The following ENTPD6 variants were observed in gnomAD, a reference collection of about 807,000 sequenced individuals.
The protein encoded by ENTPD6 is ectonucleoside triphosphate diphosphohydrolase 6.
Under a neutral mutation model 61.5 loss-of-function variants are expected in ENTPD6, and 46 were observed. The ratio of observed to expected loss-of-function variants is 0.75; its 90% CI spans 0.59 to 0.96. ENTPD6 has a LOEUF of 0.96. Among genes scored for constraint, ENTPD6 ranks in the 40% least tolerant of loss-of-function variants. The pLI, the probability that ENTPD6 is intolerant of heterozygous loss-of-function variation, is 0.00. For synonymous variants in ENTPD6, 252 were observed against 255.5 expected (o/e 0.99, Z 0.13); for missense variants, 612 against 629.0 (o/e 0.97, Z 0.29).
chr20:25,217,740 C>T (rs1284800626), intron 9 of ENTPD6, among the ~76,000 whole-genome samples, 159 bp downstream of exon 9: 5 of 152,088 alleles, frequency 3.3e-5, no homozygotes, highest in Non-Finnish European at 7.4e-5. Context: ...TCTCCCGCCT[C>T]CTCTGCCCTC....
chr20:25,215,759 G>A (rs376346393), intron 7 of ENTPD6, 48 bp downstream of exon 7: 10 of 1,595,724 alleles, frequency 6.3e-6, no homozygotes, highest in East Asian at 2.2e-5. Context: ...AGACACCTGC[G>A]GAGGGCTCGA....
chr20:25,199,980 C>T (rs968486169), intron 1 of ENTPD6, among the ~76,000 whole-genome samples: 7 of 150,724 alleles, frequency 4.6e-5, no homozygotes, highest in African/African-American at 7.3e-5. Context: ...ATCCTGATTT[C>T]AACTCTTTTA....
In ENTPD6 at chr20:25,227,140, A is replaced by G. The variant is rs2092810437; in HGVS notation, c.*1543A>G. Reference sequence around the variant, plus strand: ...GTGCTTGTGCCTGAAGCCCCCCCCAACCAACTGTCACAGGAGGACAGGATC... The same window carrying G: ...GTGCTTGTGCCTGAAGCCCCCCCCAGCCAACTGTCACAGGAGGACAGGATC... On this transcript the variant is annotated 3_prime_UTR_variant, in exon 15 of 15. Transcript: ENST00000376652. Among the ~76,000 whole-genome samples, 1 of 152,212 alleles carries G rather than the reference A, an allele frequency of 6.6e-6. No homozygotes were observed. The highest frequency in any genetic ancestry group is 2.4e-5 in the African/African-American group (1 of 41,460).
In ENTPD6 at chr20:25,226,982, G is replaced by A. The variant is rs1257391609; in HGVS notation, c.*1385G>A. On this transcript the variant is annotated 3_prime_UTR_variant, in exon 15 of 15. Coordinates refer to ENST00000376652, the MANE Select transcript of ENTPD6 (RefSeq NM_001247.5). ...CCAGCAGCCCACAGCACGGCCAGGT[G>A]AGGCCTGGGCACATAACCTCGAGTG... 6.6e-6 allele frequency among the ~76,000 whole-genome samples: 1 copy of A among 152,258 alleles called. No individual in the cohort carries two copies. Among genetic ancestry groups the A allele is most frequent in the African/African-American group, 2.4e-5 (1 of 41,466 alleles).
intron 1 of ENTPD6, among the ~76,000 whole-genome samples, chr20:25,200,578 A>T (rs1409728485): frequency 3.3e-5 from 5 of 152,122 alleles, no homozygotes; most frequent in Non-Finnish European, 5.9e-5. Flanking sequence ...TTGTAGGCAT[A>T]CAGTTGTTCG....
At chr20:25,208,139 G>C (rs1257369936) in intron 3 of ENTPD6, among the ~76,000 whole-genome samples, 2 of 152,214 alleles carry the variant, frequency 1.3e-5, no homozygotes, top group Admixed American at 1.3e-4. Flanking sequence ...TGGAACCTGT[G>C]GGGTAGACAC....
In ENTPD6 at chr20:25,215,709, C is replaced by T. The variant is rs148782311; in HGVS notation, c.707C>T (p.Thr236Ile). The T allele has an allele frequency of 6.2e-6, 10 of 1,614,206 alleles. No homozygotes were observed. In the African/African-American group the frequency reaches 8.0e-5, roughly 13 times the overall value. ...GCGTGGATCACCATCAACTTCCTGA[C>T]AGGTGTGTGCACACTGCATCACAGA... ...VSAWITINFL[T>I]GSLKTPGGSS... The change falls in exon 7 of 15, where the codon ACA becomes ATA. Residue 236 changes from threonine to isoleucine, a missense_variant and splice_region_variant. Physicochemically the swap from Thr to Ile is moderately conservative, Grantham distance 89. Transcript: ENST00000376652.
At chr20:25,218,845 C>A (rs1425582184) in intron 10 of ENTPD6, among the ~76,000 whole-genome samples, 1 of 152,204 alleles carries the variant, frequency 6.6e-6, no homozygotes, top group Non-Finnish European at 1.5e-5. Flanking sequence ...GGCAGGAACC[C>A]AGGGTGGTGT....
intron 10 of ENTPD6, among the ~76,000 whole-genome samples, chr20:25,220,990 A>G (rs928774787): frequency 2.0e-5 from 3 of 152,188 alleles, no homozygotes; most frequent in African/African-American, 7.2e-5. Context: ...CCCTTGGCCC[A>G]GTGCCTGGCA....
chr20:25,216,625 T>A, intron 7 of ENTPD6, 23 bp from the exon 8 acceptor site: 1 of 1,570,126 alleles, frequency 6.4e-7, no homozygotes, highest in South Asian at 1.2e-5. Context: ...GCCCCTGTGC[T>A]GTTTTTGCTT....
At position 25,214,932 on chromosome 20, in the gene ENTPD6, A is replaced by C. The variant is rs2092229598; in HGVS notation, c.663A>C (p.Gly221=). The change falls in exon 6 of 15, where the codon GGA becomes GGC. Residue 221 remains glycine, a synonymous_variant. Coordinates refer to ENST00000376652, the MANE Select transcript of ENTPD6 (RefSeq NM_001247.5). ...ATGACTGTGTTTCCATCATGAACGG[A>C]ACAGATGAAGGTAAATGGCTGGAAG... ...VGDDCVSIMN[G]TDEGVSAWIT... is the part of the protein sequence containing the mutation. 1.9e-6 allele frequency: 3 copies of C among 1,609,084 alleles called. No individual in the cohort carries two copies. The East Asian group carries it at 6.7e-5, about 36-fold the overall frequency.
chr20:25,223,051 C>T (rs1433222330), intron 12 of ENTPD6, 73 bp downstream of exon 12: 21 of 1,530,746 alleles, frequency 1.4e-5, no homozygotes, highest in Admixed American at 9.1e-5. Context: ...GTGTGCTCCC[C>T]GAGGCAGAGG....
intron 1 of ENTPD6, among the ~76,000 whole-genome samples, chr20:25,196,647 TCA>T (rs1324570469): frequency 6.6e-6 from 1 of 152,094 alleles, no homozygotes; most frequent in Non-Finnish European, 1.5e-5. Flanking sequence ...ACATCCCACG[TCA>T]CACAGGATAC....
At chr20:25,217,356 TC>T in intron 8 of ENTPD6, 145 bp from the exon 9 acceptor site, 3 of 712,926 alleles carry the variant, frequency 4.2e-6, no homozygotes, top group Non-Finnish European at 7.3e-6. Flanking sequence ...TATTGCCTGC[TC>T]CTGTCTCGCA....
In ENTPD6 at chr20:25,220,912, G is replaced by A. The variant is rs909953208; in HGVS notation, c.944-320G>A. Among the ~76,000 whole-genome samples the A allele has an allele frequency of 3.3e-5, 5 of 152,374 alleles. No homozygotes were observed. The South Asian group carries it at 1.0e-3, about 32-fold the overall frequency. On this transcript the variant is annotated intron_variant, in intron 10 of 14. Transcript: ENST00000376652. Reference sequence around the variant, plus strand: ...AACCTACCAGCTACTCACAGCCTCAGTCACCTATAAAACTGGGTAATGATG... The same window carrying A: ...AACCTACCAGCTACTCACAGCCTCAATCACCTATAAAACTGGGTAATGATG...
At chr20:25,195,957 G>A (rs1450107398) in intron 1 of ENTPD6, 90 bp downstream of exon 1, 1 of 1,091,386 alleles carries the variant, frequency 9.2e-7, no homozygotes, top group Non-Finnish European at 1.2e-6. Context: ...GCGCTCCGGA[G>A]GACGGCCTCG....
At position 25,207,081 on chromosome 20, in the gene ENTPD6, G is replaced by T. The variant is rs150835339; in HGVS notation, c.60G>T (p.Pro20=). Residue 20 remains proline, a synonymous_variant, in exon 3 of 15, where the codon CCG becomes CCT. Transcript: ENST00000376652. ...CTCTCCCCCCTTCCCACCAGCAGCC[G>T]CAGCACGGTCCTTGGCAAACAAGGA... ...SRKTSYIFQQ[P]QHGPWQTRMR... 1.9e-6 allele frequency: 3 copies of T among 1,601,524 alleles called. No homozygotes were observed. Among genetic ancestry groups the T allele is most frequent in the Non-Finnish European group, 2.6e-6 (3 of 1,170,364 alleles).
At chr20:25,208,215 G>A (rs1280138434) in intron 3 of ENTPD6, among the ~76,000 whole-genome samples, 2 of 152,228 alleles carry the variant, frequency 1.3e-5, no homozygotes, top group African/African-American at 4.8e-5. Flanking sequence ...AAGCTGAGTG[G>A]TGTATTTTAT....
At chr20:25,205,918 T>C (rs909816288) in intron 1 of ENTPD6, among the ~76,000 whole-genome samples, 1 of 152,242 alleles carries the variant, frequency 6.6e-6, no homozygotes, top group Non-Finnish European at 1.5e-5. Flanking sequence ...CCAAACAGCC[T>C]CAGGTAGCGC....
Sources: gnomAD v4.1 joint callset for allele counts (sites outside exome capture counted in the v4.1 genomes callset) on GRCh38, gnomAD v4.1.1 for gene constraint, MANE v1.5 for transcripts, NCBI Gene and HGNC (gene_info 2026-07-23, HGNC 2026-07-21) for gene names.